Variants in POM121C observed in about 807,000 individuals in gnomAD.
POM121C encodes nuclear envelope pore membrane protein POM 121C.
A neutral mutation model predicts 66.4 loss-of-function variants in POM121C; 20 were observed. The ratio of observed to expected loss-of-function variants is 0.30; its 90% CI spans 0.21 to 0.44. The LOEUF (loss-of-function observed/expected upper bound fraction) is 0.44, where lower values mean the gene tolerates loss of function less well. Among genes scored for constraint, POM121C ranks in the 20% least tolerant of loss-of-function variants. The pLI, the probability that POM121C is intolerant of heterozygous loss-of-function variation, is 1.00. For missense variants in POM121C, 580 were observed against 1,225.7 expected (o/e 0.47, Z 7.87); for synonymous variants, 286 against 528.0 (o/e 0.54, Z 6.28).
chr7:75,438,594 A>G (rs1584669947), intron 6 of POM121C, among the ~76,000 whole-genome samples: 1 of 152,200 alleles, frequency 6.6e-6, no homozygotes. Context: ...ATCTGACCAC[A>G]GTGCTCCACG....
intron 7 of POM121C, 147 bp downstream of exon 7, chr7:75,437,368 G>T: frequency 8.6e-7 from 1 of 1,157,708 alleles, no homozygotes; most frequent in Non-Finnish European, 1.2e-6. Flanking sequence ...TGCCCAGGCT[G>T]GTTTTGAACT....
At chr7:75,436,738 T>C (rs770038761) in intron 7 of POM121C, among the ~76,000 whole-genome samples, 2 of 152,180 alleles carry the variant, frequency 1.3e-5, no homozygotes, top group South Asian at 2.1e-4. Flanking sequence ...AGAGATGTTA[T>C]GTGATTGTCT....
intron 3 of POM121C, among the ~76,000 whole-genome samples, chr7:75,454,932 T>C (rs587738751): frequency 1.9e-4 from 29 of 152,308 alleles, no homozygotes; most frequent in African/African-American, 7.0e-4. Context: ...TTTCCTCCAT[T>C]TTATACCTTG....
At chr7:75,447,868 A>C (rs1790878379) in intron 3 of POM121C, among the ~76,000 whole-genome samples, 1 of 152,020 alleles carries the variant, frequency 6.6e-6, no homozygotes, top group South Asian at 2.1e-4. Flanking sequence ...CTAAAAATAC[A>C]AAAAAATTAA....
chr7:75,463,737 G>C (rs1329421525), intron 3 of POM121C, among the ~76,000 whole-genome samples: 1 of 152,092 alleles, frequency 6.6e-6, no homozygotes, highest in East Asian at 1.9e-4. Flanking sequence ...CTGTCATCCA[G>C]ACTGGAGGGC....
At chr7:75,428,386 C>A (rs1378277909) in intron 7 of POM121C, among the ~76,000 whole-genome samples, 2 of 152,172 alleles carry the variant, frequency 1.3e-5, no homozygotes, top group Non-Finnish European at 2.9e-5. Flanking sequence ...GATCTGCCCG[C>A]CTTGGCCTCC....
At chr7:75,420,038 C>T (rs1323465747) in intron 13 of POM121C, 1 of 152,788 alleles carries the variant, frequency 6.5e-6, no homozygotes, top group Non-Finnish European at 1.5e-5. Context: ...TCCCTAAATA[C>T]CGTAACTCAG....
intron 9 of POM121C, 198 bp from the exon 10 acceptor site, chr7:75,425,393 T>C (rs1789903389): frequency 2.4e-6 from 2 of 833,938 alleles, no homozygotes; most frequent in Non-Finnish European, 3.7e-6. Flanking sequence ...CAGTAATTAC[T>C]GGGATCACCC....
intron 4 of POM121C, 76 bp downstream of exon 4, chr7:75,441,356 T>G: frequency 2.7e-6 from 4 of 1,466,080 alleles, no homozygotes. Context: ...GTTGTAGTCA[T>G]GTTGTCACAG....
In POM121C at chr7:75,461,593, T is replaced by A. The variant is rs1791443226; in HGVS notation, c.-152+13111A>T. On this transcript the variant is annotated intron_variant, in intron 3 of 14. Coordinates refer to ENST00000615331, the MANE Select transcript of POM121C (RefSeq NM_001099415.3). Reference sequence around the variant, plus strand: ...CCACGCCTGGCTAATTTTTGTGTTTTTCAGACAGGGTTTTGCCATGTTGGC... The same window carrying A: ...CCACGCCTGGCTAATTTTTGTGTTTATCAGACAGGGTTTTGCCATGTTGGC... Among the ~76,000 whole-genome samples, 5 of 152,086 alleles carry A rather than the reference T, an allele frequency of 3.3e-5. No homozygotes were observed. The South Asian group carries it at 1.0e-3, about 32-fold the overall frequency.
At chr7:75,472,608 C>G (rs1298151350) in intron 3 of POM121C, among the ~76,000 whole-genome samples, 1 of 151,824 alleles carries the variant, frequency 6.6e-6, no homozygotes, top group African/African-American at 2.4e-5. Context: ...AGTTAGAGAC[C>G]AGCCTGACCA....
chr7:75,475,543 C>T (rs1267518530), intron 1 of POM121C, among the ~76,000 whole-genome samples: 1 of 150,434 alleles, frequency 6.6e-6, no homozygotes, highest in Non-Finnish European at 1.5e-5. Context: ...GTCTTCTTTG[C>T]TGCCAGGCCC....
At position 75,422,067 on chromosome 7, in the gene POM121C, A is replaced by G. The variant is rs587669622; in HGVS notation, c.2185T>C (p.Ser729Pro). 1.7e-5 allele frequency: 28 copies of G among 1,609,904 alleles called. No individual in the cohort carries two copies. The African/African-American group carries it at 3.5e-4, about 20-fold the overall frequency. Reference protein sequence around the residue: ...KPALTPSFGSSFTFGNSAAPA... With the variant: ...KPALTPSFGSPFTFGNSAAPA... ...GCTGCAGAGTTTCCAAAAGTGAAAG[A>G]GCTGCCAAAGCTGGGGGTAAGGGCT... Residue 729 changes from serine to proline, a missense_variant, in exon 13 of 15, where the codon TCT becomes CCT. Physicochemically the swap from Ser to Pro is moderately conservative, Grantham distance 74 (BLOSUM62 -1). Transcript: ENST00000615331.
At chr7:75,450,911 T>C (rs1305799908) in intron 3 of POM121C, among the ~76,000 whole-genome samples, 11 of 152,106 alleles carry the variant, frequency 7.2e-5, no homozygotes, top group Non-Finnish European at 2.9e-5. Context: ...TTGATGGAAA[T>C]CAGCCCTTAG....
intron 3 of POM121C, among the ~76,000 whole-genome samples, chr7:75,446,991 G>A (rs1382392426): frequency 3.0e-5 from 3 of 99,670 alleles, no homozygotes; most frequent in African/African-American, 4.1e-5. Context: ...CTGGGCAACA[G>A]AGCGAGACTC....
At chr7:75,477,928 A>G (rs1378126549) in intron 1 of POM121C, among the ~76,000 whole-genome samples, 1 of 152,084 alleles carries the variant, frequency 6.6e-6, no homozygotes, top group Non-Finnish European at 1.5e-5. Flanking sequence ...TAAAACAAGA[A>G]CATATACGAA....
intron 1 of POM121C, among the ~76,000 whole-genome samples, chr7:75,477,769 G>A: frequency 6.7e-6 from 1 of 149,710 alleles, no homozygotes. Context: ...TCTCTACAAA[G>A]AAAATAATAT....
intron 13 of POM121C, chr7:75,420,550 CA>C (rs1563135906): frequency 6.6e-6 from 1 of 152,168 alleles, no homozygotes; most frequent in Non-Finnish European, 1.5e-5. Context: ...AAACTGATCA[CA>C]CTTTTTAATA....
At chr7:75,467,391 G>A (rs1718836867) in intron 3 of POM121C, among the ~76,000 whole-genome samples, 1 of 152,058 alleles carries the variant, frequency 6.6e-6, no homozygotes, top group African/African-American at 2.4e-5. Flanking sequence ...AATTAGCCGG[G>A]TGTGGTGGCA....
Sources: allele counts gnomAD v4.1 joint callset (sites outside exome capture counted in the v4.1 genomes callset), GRCh38; gene constraint gnomAD v4.1.1; transcripts MANE v1.5; gene names NCBI Gene and HGNC (gene_info 2026-07-23, HGNC 2026-07-21).